The following PARD3B variants were observed in gnomAD, a reference collection of about 807,000 sequenced individuals.
The protein encoded by PARD3B is partitioning defective 3 homolog B.
Under a neutral mutation model 130.2 loss-of-function variants are expected in PARD3B, and 103 were observed. The observed-to-expected ratio is 0.79, with a 90% CI of 0.67 to 0.93. The LOEUF (loss-of-function observed/expected upper bound fraction) is 0.93. Ranked by LOEUF, PARD3B falls within the 40% of genes least tolerant of loss-of-function variation. The pLI, the probability that PARD3B is intolerant of heterozygous loss-of-function variation, is 0.00. For missense variants in PARD3B, 1,609 were observed against 1,499.2 expected (o/e 1.07, Z -1.21); for synonymous variants, 583 against 553.2 (o/e 1.05, Z -0.76).
At position 205,047,547 on chromosome 2, in the gene PARD3B, C is replaced by T. The variant is rs1045663414; in HGVS notation, c.395-34C>T. On this transcript the variant is annotated intron_variant, in intron 3 of 22. Coordinates refer to ENST00000406610, the MANE Select transcript of PARD3B (RefSeq NM_001302769.2). ...CATGCACTCTCTTCACCCCAGGGTT[C>T]TTTTGACCTCTCACCTCTCACTTTG... 26 of 1,435,498 alleles carry T rather than the reference C, an allele frequency of 1.8e-5. No homozygotes were observed. In the Middle Eastern group the frequency reaches 1.2e-3, roughly 65 times the overall value. 88.9% of individuals were successfully genotyped at this position (1,435,498 alleles called of 1,614,324 possible). A position where few individuals can be genotyped will look rare whatever the true frequency, so the allele number is the denominator to read the frequency against.
At chr2:205,237,521 TA>T (rs1234603321) in intron 15 of PARD3B, among the ~76,000 whole-genome samples, 1 of 152,262 alleles carries the variant, frequency 6.6e-6, no homozygotes, top group Non-Finnish European at 1.5e-5. Flanking sequence ...GAAAGACATT[TA>T]TTTCCTGTAT....
intron 3 of PARD3B, among the ~76,000 whole-genome samples, chr2:205,040,579 C>T (rs183340115): frequency 3.0e-4 from 45 of 152,220 alleles, no homozygotes; most frequent in African/African-American, 9.1e-4. Flanking sequence ...CTACATGAAA[C>T]CAAGATGCAG....
rs1235080113 is a variant in PARD3B, at chr2:205,563,809, T to A, written c.3260+10406T>A. 6.6e-6 allele frequency among the ~76,000 whole-genome samples: 1 copy of A among 152,210 alleles called. No homozygotes were observed. The highest frequency in any genetic ancestry group is 1.5e-5 in the Non-Finnish European group (1 of 68,038). On this transcript the variant is annotated intron_variant, in intron 22 of 22. Transcript: ENST00000406610. The surrounding 1 kb of genome is among the most constrained non-coding windows in gnomAD (Gnocchi z 4.2). The stretch of plus-strand genomic sequence containing the variant: ...CTTTTCCTTACAATTACCCTGTTCC[T>A]GTTGGGAACATACACAGAGATGTGA...
intron 2 of PARD3B, among the ~76,000 whole-genome samples, chr2:204,949,213 G>A (rs1450130000): frequency 1.3e-5 from 2 of 152,150 alleles, no homozygotes; most frequent in Non-Finnish European, 2.9e-5. Flanking sequence ...GAAACTCTAG[G>A]TACAAAATGT....
chr2:204,773,773 T>G (rs2041493616), intron 2 of PARD3B, among the ~76,000 whole-genome samples: 1 of 152,048 alleles, frequency 6.6e-6, no homozygotes, highest in African/African-American at 2.4e-5. Flanking sequence ...CTCTCTGATC[T>G]CCTTTCACCC....
At chr2:205,057,927 TTTACTGTC>T (rs1272406697) in intron 4 of PARD3B, among the ~76,000 whole-genome samples, 1 of 151,684 alleles carries the variant, frequency 6.6e-6, no homozygotes, top group African/African-American at 2.4e-5. Context: ...AATATATATA[TTTACTGTC>T]TTAACAATTT....
chr2:205,422,136 G>A (rs1002755576), intron 19 of PARD3B, among the ~76,000 whole-genome samples: 1 of 152,242 alleles, frequency 6.6e-6, no homozygotes, highest in African/African-American at 2.4e-5. Context: ...TGGGAAGAAT[G>A]CCTAAGATGC....
At chr2:204,745,997 A>G (rs1387500317) in intron 2 of PARD3B, among the ~76,000 whole-genome samples, 4 of 148,514 alleles carry the variant, frequency 2.7e-5, no homozygotes, top group African/African-American at 9.9e-5. Context: ...TTTTTTTATT[A>G]TACTTTAAGT....
At position 205,058,593 on chromosome 2, in the gene PARD3B, C is replaced by T. The variant is rs541726195; in HGVS notation, c.504+10903C>T. On this transcript the variant is annotated intron_variant, in intron 4 of 22. Coordinates refer to ENST00000406610, the MANE Select transcript of PARD3B (RefSeq NM_001302769.2). The stretch of plus-strand genomic sequence containing the variant: ...GAGTTCCAGTTTCTCCACATCCTTG[C>T]CAACACTTGTTGGTTTCTGTTTTGT... 1.4e-3 allele frequency among the ~76,000 whole-genome samples: 220 copies of T among 152,062 alleles called. 1 individual carries two copies. Among genetic ancestry groups the T allele is most frequent in the African/African-American group, 4.7e-3 (196 of 41,540 alleles).
At position 205,562,440 on chromosome 2, in the gene PARD3B, A is replaced by T. The variant is rs947004744; in HGVS notation, c.3260+9037A>T. Among the ~76,000 whole-genome samples the T allele has an allele frequency of 6.6e-6, 1 of 152,212 alleles. No individual in the cohort carries two copies. Among genetic ancestry groups the T allele is most frequent in the Non-Finnish European group, 1.5e-5 (1 of 68,040 alleles). ...TCCCTCATTTTCCATAGAAAATTCC[A>T]AACTGCTACACATTTGTTGGCTAAG... On this transcript the variant is annotated intron_variant, in intron 22 of 22. Transcript: ENST00000406610. The surrounding 1 kb of genome is among the most constrained non-coding windows in gnomAD (Gnocchi z 5.4).
chr2:205,279,810 A>C (rs769343849), intron 16 of PARD3B, among the ~76,000 whole-genome samples: 22 of 152,196 alleles, frequency 1.4e-4, no homozygotes, highest in Non-Finnish European at 2.5e-4. Context: ...GAGTCAAACC[A>C]AACCAGAGAG....
chr2:204,881,730 T>C (rs1359482265), intron 2 of PARD3B, among the ~76,000 whole-genome samples: 2 of 151,980 alleles, frequency 1.3e-5, no homozygotes, highest in Non-Finnish European at 2.9e-5. Flanking sequence ...TGTCTTGGAG[T>C]AGTGGGAAAG....
chr2:205,518,028 C>T (rs2050867066), intron 21 of PARD3B, among the ~76,000 whole-genome samples: 1 of 152,144 alleles, frequency 6.6e-6, no homozygotes, highest in Admixed American at 6.6e-5. Context: ...ACAGTATGTG[C>T]CATGTGGTGA....
rs553510481 is a variant in PARD3B, at chr2:205,527,894, C to T, written c.3181-25430C>T. 4.6e-5 allele frequency among the ~76,000 whole-genome samples: 7 copies of T among 152,270 alleles called. No individual in the cohort carries two copies. The South Asian group carries it at 1.5e-3, about 32-fold the overall frequency. On this transcript the variant is annotated intron_variant, in intron 21 of 22. Transcript: ENST00000406610. Reference sequence around the variant, plus strand: ...ATTCTCTCTACTGTAAAGCCTAGTCCTCATCTCACTACATTTTTCAATTAG... The same window carrying T: ...ATTCTCTCTACTGTAAAGCCTAGTCTTCATCTCACTACATTTTTCAATTAG...
chr2:205,590,471 C>A lies in PARD3B; in HGVS notation c.3261-24985C>A, dbSNP rs56918774. On this transcript the variant is annotated intron_variant, in intron 22 of 22. Transcript: ENST00000406610. This position sits in a 1 kb window ranked among gnomAD's most constrained non-coding sequence, Gnocchi z 4.1. ...TAGGATCATCTCAGGTTGCTTTTAT[C>A]GCGGTATGTTTTTAACCATACACAA... Among the ~76,000 whole-genome samples the A allele has an allele frequency of 0.017, 2,533 of 152,236 alleles. 67 individuals carry two copies. Among genetic ancestry groups the A allele is most frequent in the African/African-American group, 0.057 (2,363 of 41,538 alleles).
At chr2:204,910,718 C>A (rs1176394365) in intron 2 of PARD3B, among the ~76,000 whole-genome samples, 1 of 152,196 alleles carries the variant, frequency 6.6e-6, no homozygotes. Flanking sequence ...CGGCTCACTG[C>A]AAGCTCCGCC....
At chr2:205,131,288 T>C (rs949896784) in intron 10 of PARD3B, among the ~76,000 whole-genome samples, 3 of 152,228 alleles carry the variant, frequency 2.0e-5, no homozygotes, top group Non-Finnish European at 4.4e-5. Context: ...GGAATTTAAA[T>C]AATTATGCAA....
chr2:205,199,116 A>G (rs2036851487), intron 15 of PARD3B, among the ~76,000 whole-genome samples: 1 of 152,170 alleles, frequency 6.6e-6, no homozygotes. Context: ...GGAATTATAG[A>G]GAATGTTCTT....
At chr2:205,032,887 G>T (rs1465451650) in intron 3 of PARD3B, among the ~76,000 whole-genome samples, 2 of 152,184 alleles carry the variant, frequency 1.3e-5, no homozygotes, top group Admixed American at 6.5e-5. Flanking sequence ...TTTGTATTCA[G>T]GATGCCTGAA....
Sources: gnomAD v4.1 joint callset for allele counts (sites outside exome capture counted in the v4.1 genomes callset) on GRCh38, gnomAD v4.1.1 for gene constraint, Gnocchi (gnomAD v3.1) non-coding constraint, MANE v1.5 for transcripts, NCBI Gene and HGNC (gene_info 2026-07-23, HGNC 2026-07-21) for gene names.